Variants in PDSS1 observed in about 807,000 individuals in gnomAD.
PDSS1 encodes the protein all trans-polyprenyl-diphosphate synthase PDSS1.
PDSS1 carries 43 observed loss-of-function variants against 57.5 expected under a neutral mutation model. That is an observed-to-expected ratio of 0.75 (90% CI 0.59 to 0.96). The LOEUF is 0.96. Ranked by LOEUF, PDSS1 falls within the 50% of genes least tolerant of loss-of-function variation. The pLI, the probability that PDSS1 is intolerant of heterozygous loss-of-function variation, is 0.00. For synonymous variants in PDSS1, 175 were observed against 191.3 expected (o/e 0.91, Z 0.70); for missense variants, 438 against 527.8 (o/e 0.83, Z 1.67).
chr10:26,697,783 C>T lies in PDSS1; in HGVS notation c.72C>T (p.Gly24=). 1 of 1,302,352 alleles carries T rather than the reference C, an allele frequency of 7.7e-7. No homozygotes were observed. Among genetic ancestry groups the T allele is most frequent in the South Asian group, 2.3e-5 (1 of 42,610 alleles). The allele number at this position is 1,302,352 out of a possible 1,614,324, so 80.7% of individuals were successfully genotyped here. ...WKPAARSPGP[G]SPGRAGPLGP... is the part of the protein sequence containing the mutation. ...CGGCGGCGCGGAGCCCCGGGCCCGG[C>T]TCCCCCGGCCGTGCGGGACCGTTGG... Residue 24 remains glycine, a synonymous_variant, in exon 1 of 12, where the codon GGC becomes GGT. Coordinates refer to ENST00000376215, the MANE Select transcript of PDSS1 (RefSeq NM_014317.5).
rs1203931422 is a variant in PDSS1, at chr10:26,704,083, C to CAAAAAAA, written c.163-581_163-575dup. On this transcript the variant is annotated intron_variant, in intron 2 of 11. Transcript: ENST00000376215. Reference sequence around the variant, plus strand: ...GACGACAGAACGAGACTCCGTCTCACAAAAAAAAAAAAAAAAAAATATGGC... The same window carrying CAAAAAAA: ...GACGACAGAACGAGACTCCGTCTCACAAAAAAAAAAAAAAAAAAAAAAAAAATATGGC... 8.0e-4 allele frequency among the ~76,000 whole-genome samples: 25 copies of CAAAAAAA among 31,074 alleles called. 4 individuals carry two copies. Among genetic ancestry groups the CAAAAAAA allele is most frequent in the Admixed American group, 3.4e-3 (6 of 1,750 alleles). 20.4% of individuals were successfully genotyped at this position (31,074 alleles called of 152,430 possible).
chr10:26,739,094 C>T (rs1221923871), intron 10 of PDSS1, among the ~76,000 whole-genome samples: 3 of 152,160 alleles, frequency 2.0e-5, no homozygotes, highest in South Asian at 2.1e-4. Flanking sequence ...TAGACCCAAA[C>T]GTCAGTTGTA....
intron 6 of PDSS1, among the ~76,000 whole-genome samples, chr10:26,721,737 G>C (rs966377710): frequency 7.9e-5 from 12 of 152,150 alleles, no homozygotes; most frequent in African/African-American, 2.9e-4. Context: ...GGAGCCTTGG[G>C]CGGGGGAAGA....
At chr10:26,704,100 A>AAAAAAAAAAAAAAAAAAAAAAAAAAAAAG (rs1196865908) in intron 2 of PDSS1, among the ~76,000 whole-genome samples, 1 of 148,778 alleles carries the variant, frequency 6.7e-6, no homozygotes, top group East Asian at 2.0e-4. Flanking sequence ...AAAAAAAAAA[A>AAAAAAAAAAAAAAAAAAAAAAAAAAAAAG]AATATGGCTA....
At chr10:26,698,146 G>T (rs867728435) in intron 1 of PDSS1, among the ~76,000 whole-genome samples, 1 of 150,368 alleles carries the variant, frequency 6.7e-6, no homozygotes, top group Middle Eastern at 3.4e-3. Flanking sequence ...GCGCAGGAGC[G>T]ATCAGATTGA....
intron 5 of PDSS1, chr10:26,715,334 G>A (rs1835529338): frequency 6.6e-6 from 1 of 152,074 alleles, no homozygotes; most frequent in Non-Finnish European, 1.5e-5. Flanking sequence ...TGACCGTGGT[G>A]TGTGCACCTT....
intron 10 of PDSS1, among the ~76,000 whole-genome samples, chr10:26,738,717 G>A (rs1231240241): frequency 6.6e-6 from 1 of 152,114 alleles, no homozygotes; most frequent in African/African-American, 2.4e-5. Flanking sequence ...TTTTTAATTT[G>A]GTGTGGTGGG....
intron 6 of PDSS1, among the ~76,000 whole-genome samples, chr10:26,723,234 C>G (rs1835845459): frequency 6.6e-6 from 1 of 152,082 alleles, no homozygotes; most frequent in Admixed American, 6.6e-5. Flanking sequence ...GGCATCTGAA[C>G]CAATTATGCA....
intron 10 of PDSS1, among the ~76,000 whole-genome samples, chr10:26,741,353 G>T (rs200498982): frequency 6.6e-6 from 1 of 152,036 alleles, no homozygotes; most frequent in Non-Finnish European, 1.5e-5. Flanking sequence ...GTGTGGTGGC[G>T]CACACCTGTA....
chr10:26,726,592 G>C (rs1191007393), intron 8 of PDSS1, among the ~76,000 whole-genome samples: 1 of 152,162 alleles, frequency 6.6e-6, no homozygotes, highest in Non-Finnish European at 1.5e-5. Flanking sequence ...AATTATTACA[G>C]AAGAAGAACT....
intron 8 of PDSS1, among the ~76,000 whole-genome samples, chr10:26,730,648 T>C (rs1387004635): frequency 6.6e-6 from 1 of 151,972 alleles, no homozygotes; most frequent in Non-Finnish European, 1.5e-5. Flanking sequence ...GACATTAATG[T>C]AGCTCCAAAA....
At chr10:26,731,193 T>A (rs891911479) in intron 8 of PDSS1, among the ~76,000 whole-genome samples, 2 of 151,762 alleles carry the variant, frequency 1.3e-5, no homozygotes, top group African/African-American at 4.8e-5. Context: ...GTACAAAAAT[T>A]AGCCAGGTAT....
At chr10:26,724,960 A>G (rs1298060377) in intron 8 of PDSS1, among the ~76,000 whole-genome samples, 1 of 152,224 alleles carries the variant, frequency 6.6e-6, no homozygotes, top group Non-Finnish European at 1.5e-5. Context: ...CAAATTGAGT[A>G]TAAGCCATAA....
chr10:26,698,241 A>G (rs1482439694), intron 1 of PDSS1, among the ~76,000 whole-genome samples: 2 of 152,150 alleles, frequency 1.3e-5, no homozygotes, highest in African/African-American at 4.8e-5. Context: ...CTTGCCTGAA[A>G]TTTTAGAGCC....
At position 26,709,644 on chromosome 10, in the gene PDSS1, C is replaced by T; in HGVS notation, c.343C>T (p.Leu115Phe). ...GLYEDIRKEL[L>F]ISTSELKEMS... ...CAGAGAAACTTTATTTCAGGAACTG[C>T]TTATATCAACATCAGAACTTAAGGA... Residue 115 changes from leucine (L) to phenylalanine (F), a missense_variant, in exon 5 of 12, where the codon CTT (leucine) becomes TTT (phenylalanine). Leu to Phe is a conservative substitution (Grantham distance 22). This residue lies in a region of PDSS1 where 284 missense variants were observed against 390.7 expected (regional missense o/e 0.73). Coordinates refer to ENST00000376215, the MANE Select transcript of PDSS1 (RefSeq NM_014317.5). 2.5e-6 allele frequency: 4 copies of T among 1,613,460 alleles called. No individual in the cohort carries two copies. The highest frequency in any genetic ancestry group is 3.4e-6 in the Non-Finnish European group (4 of 1,179,610).
intron 11 of PDSS1, among the ~76,000 whole-genome samples, chr10:26,743,835 A>T (rs919391362): frequency 6.6e-6 from 1 of 152,214 alleles, no homozygotes; most frequent in Non-Finnish European, 1.5e-5. Flanking sequence ...TGAATAGACA[A>T]CTCAGGGTTA....
rs1290358945 is a variant in PDSS1 at position 26,710,620 on chromosome 10, G to A, written c.467+852G>A. Among the ~76,000 whole-genome samples, 3 of 97,048 alleles carry A rather than the reference G, an allele frequency of 3.1e-5. 1 individual carries two copies. The highest frequency in any genetic ancestry group is 4.8e-5 in the Non-Finnish European group (2 of 42,028). The allele number at this position is 97,048 out of a possible 152,430, so 63.7% of individuals were successfully genotyped here. Reference sequence around the variant, plus strand: ...CTCCCAAAGTGCTGGGATTACAGGCGTGAGCCACTGTGCCCAGCCCATAAA... The same window carrying A: ...CTCCCAAAGTGCTGGGATTACAGGCATGAGCCACTGTGCCCAGCCCATAAA... On this transcript the variant is annotated intron_variant, in intron 5 of 11. Transcript: ENST00000376215.
intron 10 of PDSS1, among the ~76,000 whole-genome samples, chr10:26,737,786 A>G (rs1169496977): frequency 6.6e-6 from 1 of 151,818 alleles, no homozygotes; most frequent in East Asian, 1.9e-4. Flanking sequence ...AGGAAAAAAA[A>G]AGATTACTGT....
chr10:26,735,123 T>C, intron 8 of PDSS1, 117 bp from the exon 9 acceptor site: 1 of 776,324 alleles, frequency 1.3e-6, no homozygotes. Context: ...CAGCATCTCC[T>C]GAGTGTGTAT....
Sources: allele counts gnomAD v4.1 joint callset (sites outside exome capture counted in the v4.1 genomes callset), GRCh38; gene constraint gnomAD v4.1.1; regional missense constraint gnomAD v4.1.1; transcripts MANE v1.5; gene names NCBI Gene and HGNC (gene_info 2026-07-23, HGNC 2026-07-21).